Variants in GRM5 observed in about 807,000 individuals in gnomAD.
GRM5 encodes glutamate metabotropic receptor 5.
A neutral mutation model predicts 83.1 loss-of-function variants in GRM5; 19 were observed. That is an observed-to-expected ratio of 0.23 (90% CI 0.16 to 0.34). The LOEUF is 0.34. Ranked by LOEUF, GRM5 falls within the 10% of genes least tolerant of loss-of-function variation. The pLI is 1.00. For missense variants in GRM5, 1,160 were observed against 1,588.3 expected (o/e 0.73, Z 4.58); for synonymous variants, 675 against 633.6 (o/e 1.07, Z -0.98).
chr11:88,860,472 C>T (rs1349655438), intron 2 of GRM5, among the ~76,000 whole-genome samples: 1 of 152,200 alleles, frequency 6.6e-6, no homozygotes, highest in Non-Finnish European at 1.5e-5. Flanking sequence ...TTTTAGCTCA[C>T]TAGCCACCAA....
At chr11:88,985,532 AAAC>A (rs1377660598) in intron 2 of GRM5, among the ~76,000 whole-genome samples, 1 of 151,624 alleles carries the variant, frequency 6.6e-6, no homozygotes, top group East Asian at 1.9e-4. Context: ...ATGTTTTAAT[AAAC>A]AACACTTTCT....
At chr11:88,834,535 A>AG (rs1944056512) in intron 3 of GRM5, among the ~76,000 whole-genome samples, 1 of 152,214 alleles carries the variant, frequency 6.6e-6, no homozygotes, top group Non-Finnish European at 1.5e-5. Context: ...AGAGTACTGA[A>AG]GAAACTACAT....
At chr11:88,688,963 T>A (rs1164408373) in intron 3 of GRM5, among the ~76,000 whole-genome samples, 2 of 152,050 alleles carry the variant, frequency 1.3e-5, no homozygotes, top group African/African-American at 4.8e-5. Context: ...GTTAAAATAC[T>A]AAAAGCACCC....
At position 88,590,720 on chromosome 11, in the gene GRM5, C is replaced by T. The variant is rs1215323612; in HGVS notation, c.1571G>A (p.Arg524Gln). The T allele has an allele frequency of 2.5e-6, 4 of 1,610,836 alleles. No homozygotes were observed. Among genetic ancestry groups the T allele is most frequent in the Admixed American group, 1.7e-5 (1 of 59,918 alleles). The change falls in exon 7 of 10, where the codon CGA (arginine) becomes CAA (glutamine). Residue 524 changes from arginine to glutamine, a missense_variant. This residue lies in a region of GRM5 where 132 missense variants were observed against 245.5 expected (regional missense o/e 0.54). Coordinates refer to ENST00000305447, the MANE Select transcript of GRM5 (RefSeq NM_001143831.3). ...PCEKGQIKVI[R>Q]KGEVSCCWTC... ...CCAACAACAGCTGACTTCTCCCTTT[C>T]GGATCACCTAAGGCAAATATTTGAA... is the stretch of plus-strand genomic sequence containing the variant.
At chr11:88,730,257 A>G (rs1410931015) in intron 3 of GRM5, among the ~76,000 whole-genome samples, 1 of 152,228 alleles carries the variant, frequency 6.6e-6, no homozygotes, top group Non-Finnish European at 1.5e-5. Context: ...TATGCGGCCA[A>G]CAAACATATA....
chr11:88,784,560 G>C (rs1171768772), intron 3 of GRM5, among the ~76,000 whole-genome samples: 1 of 152,074 alleles, frequency 6.6e-6, no homozygotes, highest in Admixed American at 6.6e-5. Context: ...TTGAAGAGCT[G>C]TGTTAGAGAT....
chr11:88,527,915 G>C (rs1243212758), intron 8 of GRM5, among the ~76,000 whole-genome samples: 2 of 152,012 alleles, frequency 1.3e-5, no homozygotes, highest in Admixed American at 6.6e-5. Flanking sequence ...GGGAAAAATA[G>C]ACACTGGGGC....
At chr11:88,952,721 G>T (rs1938502821) in intron 2 of GRM5, among the ~76,000 whole-genome samples, 1 of 151,540 alleles carries the variant, frequency 6.6e-6, no homozygotes, top group Admixed American at 6.6e-5. Flanking sequence ...TGTATGTATA[G>T]AGGAAATCAA....
chr11:88,523,648 C>G (rs1345811589), intron 9 of GRM5, among the ~76,000 whole-genome samples: 3 of 152,174 alleles, frequency 2.0e-5, no homozygotes, highest in African/African-American at 7.2e-5. Context: ...TGTACACACA[C>G]TATCATTGCC....
chr11:88,607,756 C>G (rs1236646965), intron 4 of GRM5, among the ~76,000 whole-genome samples: 1 of 152,228 alleles, frequency 6.6e-6, no homozygotes, highest in East Asian at 1.9e-4. Flanking sequence ...AGGCATGCCC[C>G]TGCCTCTGAG....
At chr11:88,914,687 A>T (rs1945560610) in intron 2 of GRM5, among the ~76,000 whole-genome samples, 1 of 152,184 alleles carries the variant, frequency 6.6e-6, no homozygotes, top group Admixed American at 6.5e-5. Context: ...CCTGTACTTT[A>T]CCAGCTTACT....
chr11:88,820,647 T>C lies in GRM5; in HGVS notation c.911+29259A>G, dbSNP rs939712407. Among the ~76,000 whole-genome samples, 10 of 152,332 alleles carry C rather than the reference T, an allele frequency of 6.6e-5. No individual in the cohort carries two copies. The East Asian group carries it at 1.9e-3, about 29-fold the overall frequency. ...CTGATAGAAATGCAGAAAACATTTT[T>C]TAATTTGTTAATTTGTGATGAAAAT... On this transcript the variant is annotated intron_variant, in intron 3 of 9. Coordinates refer to ENST00000305447, the MANE Select transcript of GRM5 (RefSeq NM_001143831.3).
chr11:88,988,261 C>T (rs1300459855), intron 2 of GRM5, among the ~76,000 whole-genome samples: 12 of 151,828 alleles, frequency 7.9e-5, no homozygotes, highest in East Asian at 5.8e-4. Flanking sequence ...AGGGTACCAG[C>T]GATGGAAGAT....
intron 7 of GRM5, among the ~76,000 whole-genome samples, chr11:88,579,987 G>A (rs1232503515): frequency 1.3e-5 from 2 of 152,094 alleles, no homozygotes; most frequent in African/African-American, 4.8e-5. Context: ...GAGAAGTGGT[G>A]GAATTTGGGA....
intron 3 of GRM5, among the ~76,000 whole-genome samples, chr11:88,688,952 T>C (rs1406195259): frequency 6.6e-6 from 1 of 152,088 alleles, no homozygotes; most frequent in Non-Finnish European, 1.5e-5. Context: ...TTATCATTAA[T>C]GTTAAAATAC....
At chr11:88,595,411 C>T (rs1449218796) in intron 6 of GRM5, among the ~76,000 whole-genome samples, 1 of 152,108 alleles carries the variant, frequency 6.6e-6, no homozygotes, top group Non-Finnish European at 1.5e-5. Flanking sequence ...TCCTCCTTCC[C>T]TTCCTACCCT....
chr11:88,899,046 A>G (rs1455018360), intron 2 of GRM5, among the ~76,000 whole-genome samples: 1 of 151,916 alleles, frequency 6.6e-6, no homozygotes. Context: ...GTTTGTGTAC[A>G]TTCTCATTAT....
chr11:88,832,395 G>A (rs903044745), intron 3 of GRM5, among the ~76,000 whole-genome samples: 5 of 151,948 alleles, frequency 3.3e-5, no homozygotes, highest in Non-Finnish European at 5.9e-5. Flanking sequence ...AAATCTATAA[G>A]TATACTTAGC....
chr11:88,544,291 T>A (rs950726374), intron 8 of GRM5, among the ~76,000 whole-genome samples: 1 of 152,210 alleles, frequency 6.6e-6, no homozygotes, highest in African/African-American at 2.4e-5. Flanking sequence ...TTATTATGAT[T>A]GCTTGGGTCA....
Sources: allele counts gnomAD v4.1 joint callset (sites outside exome capture counted in the v4.1 genomes callset), GRCh38; gene constraint gnomAD v4.1.1; regional missense constraint gnomAD v4.1.1; transcripts MANE v1.5; gene names NCBI Gene and HGNC (gene_info 2026-07-23, HGNC 2026-07-21).